Variants in VPS37A observed in about 807,000 individuals in gnomAD.
VPS37A encodes the protein vacuolar protein sorting-associated protein 37A.
Under a neutral mutation model 49.8 loss-of-function variants are expected in VPS37A, and 30 were observed. The observed-to-expected ratio is 0.60, with a 90% CI of 0.45 to 0.82. The LOEUF is 0.82. Among genes scored for constraint, VPS37A ranks in the 40% least tolerant of loss-of-function variants. VPS37A has a pLI of 0.00. For missense variants in VPS37A, 593 were observed against 464.4 expected, an observed-to-expected ratio of 1.28 and a Z score of -2.55; for synonymous variants, 195 against 160.6, an observed-to-expected ratio of 1.21 and a Z score of -1.62.
At chr8:17,311,583 G>A in the VPS37A span, 1 of 1,614,100 alleles carries the variant, frequency 6.2e-7, no homozygotes, top group Non-Finnish European at 8.5e-7. Context: ...GAGCGGTCCT[G>A]TCCCAGCCAT....
intron 6 of VPS37A, 58 bp downstream of exon 6, chr8:17,276,525 G>T (rs541358677): frequency 1.4e-6 from 2 of 1,473,542 alleles, no homozygotes; most frequent in South Asian, 1.2e-5. Flanking sequence ...GCATAAACCA[G>T]ATTATTATTT....
At chr8:17,319,982 G>A in the VPS37A span, among the ~76,000 whole-genome samples, 2 of 152,140 alleles carry the variant, frequency 1.3e-5, no homozygotes, top group African/African-American at 4.8e-5. Context: ...TAGATATGCT[G>A]TAAGTGTAAA....
chr8:17,299,777 C>T (rs1816982496), downstream of VPS37A: 13 of 1,541,210 alleles, frequency 8.4e-6, no homozygotes, highest in South Asian at 1.5e-4. Flanking sequence ...GCACCATTTC[C>T]TGTTTTTACA....
At chr8:17,292,942 C>T (rs971977702) in intron 11 of VPS37A, among the ~76,000 whole-genome samples, 11 of 152,100 alleles carry the variant, frequency 7.2e-5, no homozygotes, top group Non-Finnish European at 1.3e-4. Context: ...TGGGTTTGCT[C>T]TTCTCAAGGA....
chr8:17,260,161 G>T (rs549326543), intron 1 of VPS37A, among the ~76,000 whole-genome samples: 1 of 152,022 alleles, frequency 6.6e-6, no homozygotes, highest in Non-Finnish European at 1.5e-5. Context: ...TCCTTTGTAG[G>T]TAAGTGACTT....
At chr8:17,311,598 A>G in the VPS37A span, 132 of 1,614,056 alleles carry the variant, frequency 8.2e-5, 2 homozygotes, top group Admixed American at 1.1e-3. Context: ...AGCCATCAGA[A>G]CAGTGAACAA....
At chr8:17,288,578 C>T (rs1402913040) in intron 11 of VPS37A, among the ~76,000 whole-genome samples, 1 of 152,136 alleles carries the variant, frequency 6.6e-6, no homozygotes, top group Admixed American at 6.5e-5. Flanking sequence ...GCATAGTATT[C>T]CATGGTGTAT....
the VPS37A span, chr8:17,309,414 C>T: frequency 1.1e-6 from 1 of 917,748 alleles, no homozygotes; most frequent in Admixed American, 2.1e-5. Flanking sequence ...AATTCAGAGG[C>T]ACTTGCAGAA....
chr8:17,248,451 T>G, intron 1 of VPS37A: 2 of 447,838 alleles, frequency 4.5e-6, no homozygotes, highest in Non-Finnish European at 9.0e-6. Flanking sequence ...ATATTTTGTA[T>G]TTTTAGTAGA....
chr8:17,253,756 T>C (rs987529763), intron 1 of VPS37A, among the ~76,000 whole-genome samples: 1 of 152,216 alleles, frequency 6.6e-6, no homozygotes, highest in Non-Finnish European at 1.5e-5. Flanking sequence ...TATCATGTGT[T>C]CTATTAAAAA....
chr8:17,329,980 C>T, the VPS37A span, among the ~76,000 whole-genome samples: 1 of 152,192 alleles, frequency 6.6e-6, no homozygotes, highest in Non-Finnish European at 1.5e-5. Context: ...GGGCATCAAA[C>T]TGTCACAGCT....
intron 4 of VPS37A, among the ~76,000 whole-genome samples, chr8:17,269,639 T>A (rs1240891677): frequency 6.6e-6 from 1 of 152,206 alleles, no homozygotes; most frequent in Non-Finnish European, 1.5e-5. Context: ...CCATTCTGAG[T>A]TACTCTCTAT....
chr8:17,291,869 G>C (rs1816190955), intron 11 of VPS37A, among the ~76,000 whole-genome samples: 1 of 152,272 alleles, frequency 6.6e-6, no homozygotes, highest in South Asian at 2.1e-4. Flanking sequence ...TTTTGCATTT[G>C]CTGAGGAGTG....
rs1815408766 is a variant in VPS37A, at chr8:17,284,581, G to C, written c.1078G>C (p.Asp360His). The C allele has an allele frequency of 3.7e-6, 6 of 1,600,398 alleles. No homozygotes were observed. The highest frequency in any genetic ancestry group is 5.1e-6 in the Non-Finnish European group (6 of 1,175,378). ...CTTCTTGGAGGGAAAGATGGAAATAGATGATTTTCTCAGTAGCTTCATGGA... is the reference window on the plus strand; with the variant it reads ...CTTCTTGGAGGGAAAGATGGAAATACATGATTTTCTCAGTAGCTTCATGGA... ...EDFLEGKMEIDDFLSSFMEKR... is the reference protein window; with the variant it reads ...EDFLEGKMEIHDFLSSFMEKR... Residue 360 changes from aspartate (D) to histidine (H), a missense_variant, in exon 10 of 12, where the codon GAT (aspartate) becomes CAT (histidine). Coordinates refer to ENST00000324849, the MANE Select transcript of VPS37A (RefSeq NM_152415.3).
chr8:17,315,469 G>C, the VPS37A span, among the ~76,000 whole-genome samples: 1 of 152,128 alleles, frequency 6.6e-6, no homozygotes, highest in Non-Finnish European at 1.5e-5. Context: ...AGTGGACTTT[G>C]AGTGATACCG....
downstream of VPS37A, among the ~76,000 whole-genome samples, chr8:17,305,369 A>C (rs1310799588): frequency 6.6e-6 from 1 of 152,196 alleles, no homozygotes; most frequent in Non-Finnish European, 1.5e-5. Flanking sequence ...AATCTGAATA[A>C]ATTCTGGCTT....
At chr8:17,262,148 C>G (rs963711937) in intron 1 of VPS37A, among the ~76,000 whole-genome samples, 2 of 152,212 alleles carry the variant, frequency 1.3e-5, no homozygotes, top group African/African-American at 2.4e-5. Flanking sequence ...AAGTCCGATT[C>G]TCTTACCATC....
chr8:17,279,853 C>T (rs1036948002), intron 6 of VPS37A, 175 bp from the exon 7 acceptor site: 9 of 755,716 alleles, frequency 1.2e-5, no homozygotes, highest in Non-Finnish European at 2.0e-5. Flanking sequence ...GCTCTATGTT[C>T]CATTGTGGTT....
At chr8:17,298,143 C>G (rs1210924977), downstream of VPS37A, 1 of 151,972 alleles carries the variant, frequency 6.6e-6, no homozygotes, top group African/African-American at 2.4e-5. Context: ...GTGGACAGCT[C>G]CAAGAAGGTT....
Sources: gnomAD v4.1 joint callset for allele counts (sites outside exome capture counted in the v4.1 genomes callset) on GRCh38, gnomAD v4.1.1 for gene constraint, MANE v1.5 for transcripts, NCBI Gene and HGNC (gene_info 2026-07-23, HGNC 2026-07-21) for gene names.